Variants in KIAA1217 observed in about 807,000 individuals in gnomAD.
KIAA1217 encodes the protein sickle tail protein homolog.
A neutral mutation model predicts 163.9 loss-of-function variants in KIAA1217; 88 were observed. The ratio of observed to expected loss-of-function variants is 0.54; its 90% CI spans 0.45 to 0.64. The LOEUF is 0.64. KIAA1217 is among the 30% of genes least tolerant of loss of function. The pLI, the probability that KIAA1217 is intolerant of heterozygous loss-of-function variation, is 0.00. For synonymous variants in KIAA1217, 903 were observed against 923.1 expected (o/e 0.98, Z 0.39); for missense variants, 2,372 against 2,475.0 (o/e 0.96, Z 0.88).
chr10:23,761,810 G>T (rs1437749790), intron 1 of KIAA1217, among the ~76,000 whole-genome samples: 1 of 151,938 alleles, frequency 6.6e-6, no homozygotes, highest in East Asian at 1.9e-4. Flanking sequence ...GAATATCCTT[G>T]TTAATTAGCT....
rs117314315 is a variant in KIAA1217, at chr10:24,372,464, C to T, written c.355-8405C>T. Reference sequence around the variant, plus strand: ...ACTCAGATAAAACAAATACTGGTTTCCAGCTTTGAGACCAGAACAATTTCT... The same window carrying T: ...ACTCAGATAAAACAAATACTGGTTTTCAGCTTTGAGACCAGAACAATTTCT... On this transcript the variant is annotated intron_variant, in intron 2 of 20. Transcript: ENST00000376454. Among the ~76,000 whole-genome samples, 482 of 152,124 alleles carry T rather than the reference C, an allele frequency of 3.2e-3. 12 individuals are homozygous for T. Among genetic ancestry groups the T allele is most frequent in the Admixed American group, 0.023 (348 of 15,258 alleles).
chr10:23,919,655 T>G (rs1192187145), intron 1 of KIAA1217, among the ~76,000 whole-genome samples: 5 of 150,156 alleles, frequency 3.3e-5, no homozygotes. Context: ...CATTTACTCA[T>G]TCATTCATTC....
intron 6 of KIAA1217, among the ~76,000 whole-genome samples, chr10:24,484,208 TAG>T (rs1439710264): frequency 1.8e-4 from 25 of 135,546 alleles, no homozygotes; most frequent in African/African-American, 5.0e-4. Flanking sequence ...TACATATATA[TAG>T]ATAGATAGAT....
chr10:24,242,787 G>A (rs2073264017), intron 2 of KIAA1217, among the ~76,000 whole-genome samples: 2 of 152,136 alleles, frequency 1.3e-5, no homozygotes, highest in Admixed American at 6.5e-5. Context: ...ATTCTGACCG[G>A]TGTGAGATGG....
At chr10:24,540,320 G>A (rs1448389689) in intron 17 of KIAA1217, among the ~76,000 whole-genome samples, 6 of 152,126 alleles carry the variant, frequency 3.9e-5, no homozygotes, top group Admixed American at 1.3e-4. Context: ...TGCAACCTCC[G>A]CCTCCTGAGT....
chr10:24,209,277 C>T lies in KIAA1217; in HGVS notation c.70+14C>T, dbSNP rs957411901. ...GACAGATGCAGGGTAAGTAACAGAC[C>T]CATTCAAAGATGGAGTTACAGGGAC... On this transcript the variant is annotated intron_variant, in intron 1 of 20. Coordinates refer to ENST00000376454, the MANE Select transcript of KIAA1217 (RefSeq NM_019590.5). 1 of 1,606,262 alleles carries T rather than the reference C, an allele frequency of 6.2e-7. No homozygotes were observed. Among genetic ancestry groups the T allele is most frequent in the Non-Finnish European group, 8.5e-7 (1 of 1,173,284 alleles).
intron 2 of KIAA1217, among the ~76,000 whole-genome samples, chr10:24,127,360 A>T (rs1366902347): frequency 6.6e-6 from 1 of 152,122 alleles, no homozygotes; most frequent in African/African-American, 2.4e-5. Context: ...ATTTTCAGGG[A>T]GTATATTGCA....
At chr10:24,030,562 C>A (rs543424824) in intron 2 of KIAA1217, among the ~76,000 whole-genome samples, 3 of 152,074 alleles carry the variant, frequency 2.0e-5, no homozygotes, top group Non-Finnish European at 4.4e-5. Context: ...TTCTTTGTAG[C>A]GGTGTGAAAA....
At chr10:23,994,450 A>G (rs928084355) in intron 1 of KIAA1217, among the ~76,000 whole-genome samples, 2 of 152,206 alleles carry the variant, frequency 1.3e-5, no homozygotes, top group African/African-American at 4.8e-5. Flanking sequence ...CTCCGGATGG[A>G]GTCCTAACAT....
chr10:23,798,755 C>A (rs1401350265), intron 1 of KIAA1217, among the ~76,000 whole-genome samples: 4 of 152,146 alleles, frequency 2.6e-5, no homozygotes, highest in African/African-American at 9.7e-5. Flanking sequence ...ATCCTAACAA[C>A]ATCTAGCAGA....
At chr10:24,240,614 A>G (rs2072954622) in intron 2 of KIAA1217, among the ~76,000 whole-genome samples, 1 of 152,216 alleles carries the variant, frequency 6.6e-6, no homozygotes. Context: ...AGAGGAAAGT[A>G]AATTCATGTC....
intron 12 of KIAA1217, 121 bp from the exon 13 acceptor site, chr10:24,524,202 C>T (rs541360910): frequency 1.2e-4 from 115 of 963,096 alleles, no homozygotes; most frequent in East Asian, 1.1e-3. Flanking sequence ...TGTCCCTAAG[C>T]GGCTACTCTG....
chr10:23,840,722 G>T (rs1236801004), intron 1 of KIAA1217, among the ~76,000 whole-genome samples: 4 of 152,108 alleles, frequency 2.6e-5, no homozygotes, highest in Non-Finnish European at 5.9e-5. Context: ...TGTGTTTATT[G>T]TAAGTTACAG....
At chr10:23,812,646 C>T (rs1468097676) in intron 1 of KIAA1217, among the ~76,000 whole-genome samples, 2 of 152,108 alleles carry the variant, frequency 1.3e-5, no homozygotes, top group Non-Finnish European at 1.5e-5. Flanking sequence ...TTCATCACCC[C>T]AAAGAGAAAC....
At chr10:23,721,212 A>C (rs1837859699) in intron 1 of KIAA1217, among the ~76,000 whole-genome samples, 1 of 152,190 alleles carries the variant, frequency 6.6e-6, no homozygotes, top group Non-Finnish European at 1.5e-5. Flanking sequence ...AGGAATTTCA[A>C]ATTGCCACTC....
chr10:24,449,063 C>T (rs1041139580), intron 5 of KIAA1217, among the ~76,000 whole-genome samples: 7 of 152,064 alleles, frequency 4.6e-5, no homozygotes, highest in Admixed American at 1.3e-4. Context: ...TTATATTGTG[C>T]TTTTCTGGGA....
chr10:23,934,918 A>G (rs1477566798), intron 1 of KIAA1217, among the ~76,000 whole-genome samples: 1 of 151,824 alleles, frequency 6.6e-6, no homozygotes, highest in African/African-American at 2.4e-5. Context: ...CGCCTAGCCA[A>G]AGTATATTTT....
chr10:23,900,822 C>T (rs151263178), intron 1 of KIAA1217, among the ~76,000 whole-genome samples: 1 of 152,160 alleles, frequency 6.6e-6, no homozygotes, highest in Non-Finnish European at 1.5e-5. Context: ...TGTATCATGT[C>T]CAGTTGTCAT....
At chr10:23,719,301 C>G (rs1837735823) in intron 1 of KIAA1217, among the ~76,000 whole-genome samples, 1 of 152,186 alleles carries the variant, frequency 6.6e-6, no homozygotes, top group Admixed American at 6.5e-5. Context: ...TAGGCCTAGT[C>G]CGGGTGCCGT....
Sources: gnomAD v4.1 joint callset for allele counts (sites outside exome capture counted in the v4.1 genomes callset) on GRCh38, gnomAD v4.1.1 for gene constraint, MANE v1.5 for transcripts, NCBI Gene and HGNC (gene_info 2026-07-23, HGNC 2026-07-21) for gene names.